PDE6A: variants seen among roughly 807,000 people sequenced by gnomAD.
The protein encoded by PDE6A is phosphodiesterase 6A.
PDE6A carries 84 observed loss-of-function variants against 106.3 expected under a neutral mutation model. The observed-to-expected ratio is 0.79, with a 90% CI of 0.66 to 0.95. The LOEUF (loss-of-function observed/expected upper bound fraction) is 0.95. Ranked by LOEUF, PDE6A falls within the 40% of genes least tolerant of loss-of-function variation. The probability of loss-of-function intolerance (pLI) is 0.00; values close to 1 mark genes in which losing one functional copy is unlikely to be tolerated. For synonymous variants in PDE6A, 394 were observed against 386.6 expected (o/e 1.02, Z -0.23); for missense variants, 1,052 against 1,084.9 (o/e 0.97, Z 0.43).
rs570893804 is a variant in PDE6A at position 149,886,683 on chromosome 5, C to G, written c.1729-309G>C. On this transcript the variant is annotated intron_variant, in intron 13 of 21. Transcript: ENST00000255266. The stretch of plus-strand genomic sequence containing the variant: ...GTAGCCCAATCTCCATAATGAGGGT[C>G]GAGCATATTGGATCAGATGAATTTT... Among the ~76,000 whole-genome samples, 13 of 152,222 alleles carry G rather than the reference C, an allele frequency of 8.5e-5. No homozygotes were observed. In the South Asian group the frequency reaches 1.9e-3, roughly 22 times the overall value.
In PDE6A at chr5:149,895,171, G is replaced by A. The variant is rs913000576; in HGVS notation, c.1728+12C>T. 6.4e-7 allele frequency: 1 copy of A among 1,571,834 alleles called. No individual in the cohort carries two copies. The highest frequency in any genetic ancestry group is 1.1e-5 in the South Asian group (1 of 90,288). On this transcript the variant is annotated intron_variant, in intron 13 of 21. Transcript: ENST00000255266. ...CAAGCCCACCCTACCAGCCCCACCGGCCCCGCCATACCACCAGCAGGGAGA... is the reference window on the plus strand; with the variant it reads ...CAAGCCCACCCTACCAGCCCCACCGACCCCGCCATACCACCAGCAGGGAGA...
chr5:149,882,091 T>TAAATAAATAAAA (rs1760951032), intron 17 of PDE6A, among the ~76,000 whole-genome samples: 2 of 142,124 alleles, frequency 1.4e-5, no homozygotes, highest in Non-Finnish European at 3.1e-5. Flanking sequence ...AATAAATAAA[T>TAAATAAATAAAA]AAAATGTCCA....
intron 14 of PDE6A, 143 bp from the exon 15 acceptor site, chr5:149,885,010 T>C: frequency 4.2e-6 from 3 of 711,684 alleles, no homozygotes; most frequent in Non-Finnish European, 7.5e-6. Flanking sequence ...GAGAATCTAC[T>C]AAATAGCATG....
chr5:149,912,923 A>T (rs1239993960), intron 6 of PDE6A, among the ~76,000 whole-genome samples: 1 of 152,192 alleles, frequency 6.6e-6, no homozygotes, highest in African/African-American at 2.4e-5. Context: ...ATGCTGGTCA[A>T]GCAGAGACAA....
chr5:149,936,329 A>C (rs1754184861), intron 1 of PDE6A, among the ~76,000 whole-genome samples: 1 of 152,216 alleles, frequency 6.6e-6, no homozygotes, highest in Non-Finnish European at 1.5e-5. Flanking sequence ...AATTAAGAGA[A>C]GCTTGTAGTG....
At chr5:149,897,402 C>T (rs866403979) in intron 10 of PDE6A, among the ~76,000 whole-genome samples, 24 of 152,228 alleles carry the variant, frequency 1.6e-4, no homozygotes, top group African/African-American at 3.4e-4. Flanking sequence ...GGCTGTGCCC[C>T]GATAGGTTGC....
intron 1 of PDE6A, among the ~76,000 whole-genome samples, chr5:149,941,415 A>G (rs1754324014): frequency 6.6e-6 from 1 of 152,232 alleles, no homozygotes; most frequent in African/African-American, 2.4e-5. Context: ...AAAAACCAAC[A>G]TCCAGAGAGG....
intron 17 of PDE6A, 75 bp from the exon 18 acceptor site, chr5:149,868,233 A>C: frequency 2.5e-5 from 34 of 1,364,960 alleles, no homozygotes; most frequent in Non-Finnish European, 3.4e-5. Flanking sequence ...CATCTCTCTC[A>C]CCTTTCTCCA....
chr5:149,866,018 T>TG, intron 20 of PDE6A, 152 bp downstream of exon 20: 1 of 678,024 alleles, frequency 1.5e-6, no homozygotes, highest in Non-Finnish European at 2.7e-6. Context: ...CCCATAGAGC[T>TG]GTCCTGAGAA....
At chr5:149,934,500 C>T in intron 2 of PDE6A, 66 bp downstream of exon 2, 1 of 1,544,478 alleles carries the variant, frequency 6.5e-7, no homozygotes, top group Non-Finnish European at 9.0e-7. Flanking sequence ...CAGCAAAGTT[C>T]AGGGGACTTC....
chr5:149,867,824 C>G (rs576831457), intron 18 of PDE6A, 25 bp from the exon 19 acceptor site: 6 of 1,607,646 alleles, frequency 3.7e-6, no homozygotes, highest in Non-Finnish European at 5.1e-6. Flanking sequence ...CCCTCACACA[C>G]GCAGAGTCAG....
chr5:149,888,969 G>A (rs13173982), intron 13 of PDE6A, among the ~76,000 whole-genome samples: 15,985 of 151,342 alleles, frequency 0.11, 1,057 homozygotes, highest in Middle Eastern at 0.28. Context: ...TGTAGTCCCA[G>A]CTACTCGGGA....
chr5:149,922,182 T>G (rs1403095946), intron 4 of PDE6A, among the ~76,000 whole-genome samples: 1 of 152,108 alleles, frequency 6.6e-6, no homozygotes, highest in African/African-American at 2.4e-5. Flanking sequence ...GTGTGTGTGC[T>G]GATTGGAAAG....
At chr5:149,867,003 G>A (rs1456054153) in intron 19 of PDE6A, 1 of 155,812 alleles carries the variant, frequency 6.4e-6, no homozygotes, top group African/African-American at 2.4e-5. Flanking sequence ...GTTTCTTCAT[G>A]ACAGGACCTG....
intron 4 of PDE6A, among the ~76,000 whole-genome samples, 159 bp downstream of exon 4, chr5:149,930,869 C>CTGA (rs1754012725): frequency 6.6e-6 from 1 of 152,160 alleles, no homozygotes; most frequent in South Asian, 2.1e-4. Flanking sequence ...CCTTTAAAGG[C>CTGA]TGATACTCCT....
At chr5:149,884,057 G>A (rs1443850806) in intron 16 of PDE6A, among the ~76,000 whole-genome samples, 1 of 151,786 alleles carries the variant, frequency 6.6e-6, no homozygotes, top group African/African-American at 2.4e-5. Flanking sequence ...TCCAGGAGTG[G>A]TGGTGTTCCT....
At chr5:149,891,167 T>TCTAAATTTTTTAGCAA (rs1205690823) in intron 13 of PDE6A, among the ~76,000 whole-genome samples, 1 of 152,174 alleles carries the variant, frequency 6.6e-6, no homozygotes, top group Non-Finnish European at 1.5e-5. Flanking sequence ...ACAAGGTGAC[T>TCTAAATTTTTTAGCAA]GCTCTAAAAT....
At chr5:149,936,451 T>C (rs965099045) in intron 1 of PDE6A, among the ~76,000 whole-genome samples, 4 of 152,196 alleles carry the variant, frequency 2.6e-5, no homozygotes, top group Non-Finnish European at 4.4e-5. Flanking sequence ...AGCACGTGTC[T>C]AGGTGGAGTA....
At chr5:149,926,640 A>G (rs1385875772) in intron 4 of PDE6A, among the ~76,000 whole-genome samples, 3 of 152,240 alleles carry the variant, frequency 2.0e-5, no homozygotes, top group Non-Finnish European at 4.4e-5. Context: ...AAATTGAACT[A>G]CATTATCATT....
Sources: allele counts gnomAD v4.1 joint callset (sites outside exome capture counted in the v4.1 genomes callset), GRCh38; gene constraint gnomAD v4.1.1; transcripts MANE v1.5; gene names NCBI Gene and HGNC (gene_info 2026-07-23, HGNC 2026-07-21).